RASGRP1: variants seen among roughly 807,000 people sequenced by gnomAD.
The protein encoded by RASGRP1 is RAS guanyl-releasing protein 1.
In RASGRP1, 37 loss-of-function variants were observed where a neutral mutation model predicts 95.1. That is an observed-to-expected ratio of 0.39 (90% CI 0.30 to 0.51). The LOEUF (loss-of-function observed/expected upper bound fraction) is 0.51. RASGRP1 is among the 20% of genes least tolerant of loss of function. The pLI, the probability that RASGRP1 is intolerant of heterozygous loss-of-function variation, is 0.80. For synonymous variants in RASGRP1, 325 were observed against 353.4 expected, an observed-to-expected ratio of 0.92 and a Z score of 0.90; for missense variants, 711 against 965.4, an observed-to-expected ratio of 0.74 and a Z score of 3.49.
intron 8 of RASGRP1, among the ~76,000 whole-genome samples, chr15:38,508,764 T>TTCAA (rs1398848464): frequency 2.6e-5 from 4 of 152,344 alleles, no homozygotes; most frequent in South Asian, 2.1e-4. Flanking sequence ...TAGTTTTCTT[T>TTCAA]TCAATCACTT....
At chr15:38,515,887 C>CAGAG (rs34032922) in intron 6 of RASGRP1, among the ~76,000 whole-genome samples, 18,481 of 140,796 alleles carry the variant, frequency 0.13, 1,519 homozygotes, top group South Asian at 0.21. Context: ...ATGAGAGAGA[C>CAGAG]AGAGAGAGAG....
intron 9 of RASGRP1, 77 bp from the exon 10 acceptor site, chr15:38,505,997 T>C: frequency 8.2e-7 from 1 of 1,222,270 alleles, no homozygotes; most frequent in Non-Finnish European, 1.2e-6. Flanking sequence ...CTTTCTTGGA[T>C]TTTCCTTGCC....
At chr15:38,513,639 T>C (rs923343737) in intron 6 of RASGRP1, among the ~76,000 whole-genome samples, 3 of 152,218 alleles carry the variant, frequency 2.0e-5, no homozygotes, top group South Asian at 4.1e-4. Context: ...GACAATAGCA[T>C]TGACTACAGT....
At chr15:38,562,563 C>T (rs1464095881) in intron 1 of RASGRP1, among the ~76,000 whole-genome samples, 1 of 152,246 alleles carries the variant, frequency 6.6e-6, no homozygotes, top group Non-Finnish European at 1.5e-5. Context: ...CCATTAAGAC[C>T]TCCACCAAAG....
Position 38,511,694 on chromosome 15 carries a change from A to C in RASGRP1, c.876T>G (p.Asn292Lys). 1 of 1,613,558 alleles carries C rather than the reference A, an allele frequency of 6.2e-7. No individual in the cohort carries two copies. Among genetic ancestry groups the C allele is most frequent in the Non-Finnish European group, 8.5e-7 (1 of 1,179,588 alleles). Residue 292 changes from asparagine to lysine, a missense_variant, in exon 8 of 17, where the codon AAT becomes AAG. Asn to Lys is a moderately conservative substitution (Grantham distance 94). Around this residue, in one of 3 missense-constraint regions of RASGRP1, gnomAD observed 491 missense variants for 676.6 expected, o/e 0.73. Transcript: ENST00000310803. ...AQKLHQLQNF[N>K]TLMAVIGGLC... ...GCCCACCTATCACAGCCATCAGTGT[A>C]TTGAAGTTCTGTAGTTGGTGGAGCT...
chr15:38,516,349 T>C lies in RASGRP1; in HGVS notation c.523A>G (p.Asn175Asp). The C allele has an allele frequency of 6.2e-7, 1 of 1,609,606 alleles. No individual in the cohort carries two copies. The highest frequency in any genetic ancestry group is 8.5e-7 in the Non-Finnish European group (1 of 1,175,978). Residue 175 changes from asparagine to aspartate, a missense_variant and splice_region_variant, in exon 6 of 17, where the codon AAT (asparagine) becomes GAT (aspartate). Transcript: ENST00000310803. ...HCRLIDTTQI[N>D]ARDWSRKLTQ... ...AGTTTCCTGGACCAGTCACGGGCATTGCTTTTGTGGGTAAATGTGAAAGGG... is the reference window on the plus strand; with the variant it reads ...AGTTTCCTGGACCAGTCACGGGCATCGCTTTTGTGGGTAAATGTGAAAGGG...
At position 38,511,647 on chromosome 15, in the gene RASGRP1, C is replaced by T; in HGVS notation, c.923G>A (p.Arg308Lys). Residue 308 changes from arginine (R) to lysine (K), a missense_variant, in exon 8 of 17, where the codon AGG becomes AAG. Arg to Lys is a conservative substitution (Grantham distance 26, BLOSUM62 2). This residue lies in a region of RASGRP1 where 491 missense variants were observed against 676.6 expected (regional missense o/e 0.73). Coordinates refer to ENST00000310803, the MANE Select transcript of RASGRP1 (RefSeq NM_005739.4). ...GACATGCGAACTTGTCTCCTTGAGC[C>T]TCGAGATTGAGCTGTGACACAGCCC... ...IGGLCHSSIS[R>K]LKETSSHVPH... The T allele has an allele frequency of 6.2e-7, 1 of 1,613,548 alleles. No individual in the cohort carries two copies. Among genetic ancestry groups the T allele is most frequent in the African/African-American group, 1.3e-5 (1 of 74,974 alleles).
chr15:38,521,198 T>G (rs115853271), intron 3 of RASGRP1, among the ~76,000 whole-genome samples: 1 of 152,146 alleles, frequency 6.6e-6, no homozygotes, highest in Non-Finnish European at 1.5e-5. Flanking sequence ...TGCAAAGAGA[T>G]TCAGGCAAAA....
intron 3 of RASGRP1, among the ~76,000 whole-genome samples, chr15:38,519,635 A>G (rs1891921961): frequency 6.6e-6 from 1 of 152,202 alleles, no homozygotes; most frequent in Admixed American, 6.5e-5. Flanking sequence ...GCACTGCAGA[A>G]CTAAGAAATG....
intron 2 of RASGRP1, among the ~76,000 whole-genome samples, chr15:38,551,541 A>G (rs373889482): frequency 1.8e-4 from 27 of 152,354 alleles, no homozygotes; most frequent in Middle Eastern, 3.4e-3. Context: ...CACTGGGTTA[A>G]GTAAAACTGA....
chr15:38,564,528 G>A (rs1893952818), intron 1 of RASGRP1, 66 bp downstream of exon 1: 2 of 1,290,276 alleles, frequency 1.6e-6, no homozygotes, highest in East Asian at 3.2e-5. Context: ...TTGGGGCGAC[G>A]GGCAGGGGCC....
At chr15:38,539,145 A>G (rs1297918286) in intron 2 of RASGRP1, among the ~76,000 whole-genome samples, 1 of 152,174 alleles carries the variant, frequency 6.6e-6, no homozygotes, top group Non-Finnish European at 1.5e-5. Flanking sequence ...CTTGAGTTCC[A>G]GTCTTCTGAG....
chr15:38,539,091 T>C (rs1892769193), intron 2 of RASGRP1, among the ~76,000 whole-genome samples: 1 of 152,222 alleles, frequency 6.6e-6, no homozygotes, highest in South Asian at 2.1e-4. Context: ...TAAGGTGGTA[T>C]GACTTGCCTA....
At position 38,557,627 on chromosome 15, in the gene RASGRP1, GTGTA is replaced by G. The variant is rs112780483; in HGVS notation, c.220+2190_220+2193del. On this transcript the variant is annotated intron_variant, in intron 2 of 16. Transcript: ENST00000310803. ...TGTGTGTGTGTGTGTGTGTGTGTGT[GTGTA>G]TATATATATATATATTTCCTGAACA... 4.0e-3 allele frequency among the ~76,000 whole-genome samples: 599 copies of G among 147,934 alleles called. 3 individuals carry two copies. The highest frequency in any genetic ancestry group is 0.015 in the African/African-American group (578 of 37,774).
chr15:38,507,291 C>G (rs1891298120), intron 9 of RASGRP1, among the ~76,000 whole-genome samples: 1 of 152,148 alleles, frequency 6.6e-6, no homozygotes, highest in South Asian at 2.1e-4. Flanking sequence ...GAGCAAAGAT[C>G]TAAGCCAGGA....
At chr15:38,542,634 T>C (rs1892913155) in intron 2 of RASGRP1, among the ~76,000 whole-genome samples, 2 of 151,366 alleles carry the variant, frequency 1.3e-5, no homozygotes, top group East Asian at 3.9e-4. Context: ...GGGAAGTACT[T>C]AACACAGCTG....
At chr15:38,492,427 G>A (rs1405879067) in intron 16 of RASGRP1, among the ~76,000 whole-genome samples, 1 of 152,168 alleles carries the variant, frequency 6.6e-6, no homozygotes, top group Admixed American at 6.5e-5. Context: ...GACAATGCAG[G>A]GAATCCTGAA....
intron 5 of RASGRP1, among the ~76,000 whole-genome samples, chr15:38,518,061 CT>C (rs1891856737): frequency 6.6e-6 from 1 of 152,138 alleles, no homozygotes; most frequent in Admixed American, 6.5e-5. Flanking sequence ...ACTTTTTCTG[CT>C]CCTGGATATG....
intron 2 of RASGRP1, among the ~76,000 whole-genome samples, chr15:38,550,242 C>CAAAAAAAAAAAAAAAAAAAA (rs56383365): frequency 1.1e-5 from 1 of 89,046 alleles, no homozygotes. Flanking sequence ...ACTCTGTCGC[C>CAAAAAAAAAAAAAAAAAAAA]AAAAAAAAAA....
Sources: allele counts gnomAD v4.1 joint callset (sites outside exome capture counted in the v4.1 genomes callset), GRCh38; gene constraint gnomAD v4.1.1; regional missense constraint gnomAD v4.1.1; transcripts MANE v1.5; gene names NCBI Gene and HGNC (gene_info 2026-07-23, HGNC 2026-07-21).